Variants in PTCHD4 observed in about 807,000 individuals in gnomAD.
PTCHD4 encodes patched domain-containing protein 4.
Under a neutral mutation model 58.1 loss-of-function variants are expected in PTCHD4, and 33 were observed. That is an observed-to-expected ratio of 0.57 (90% CI 0.43 to 0.76). PTCHD4 has a LOEUF of 0.76. PTCHD4 is among the 30% of genes least tolerant of loss of function. PTCHD4 has a pLI of 0.00. For missense variants in PTCHD4, 1,058 were observed against 1,027.1 expected (o/e 1.03, Z -0.41); for synonymous variants, 478 against 409.6 (o/e 1.17, Z -2.02).
chr6:47,961,693 T>C (rs1767099714), intron 4 of PTCHD4, among the ~76,000 whole-genome samples: 1 of 151,906 alleles, frequency 6.6e-6, no homozygotes, highest in Non-Finnish European at 1.5e-5. Flanking sequence ...CAAAGAAACA[T>C]TTTTTTTAAA....
chr6:47,898,796 G>C (rs942294860), intron 4 of PTCHD4, among the ~76,000 whole-genome samples: 1 of 152,174 alleles, frequency 6.6e-6, no homozygotes, highest in African/African-American at 2.4e-5. Flanking sequence ...AAATGAAAAG[G>C]TGTAAGAACA....
At chr6:48,102,362 G>T (rs1054334507) in intron 1 of PTCHD4, among the ~76,000 whole-genome samples, 1 of 152,136 alleles carries the variant, frequency 6.6e-6, no homozygotes, top group Non-Finnish European at 1.5e-5. Flanking sequence ...TCTTTATAGG[G>T]TTATCTTACC....
chr6:47,953,953 A>G (rs779243007), intron 4 of PTCHD4, among the ~76,000 whole-genome samples: 1 of 152,178 alleles, frequency 6.6e-6, no homozygotes, highest in African/African-American at 2.4e-5. Context: ...AAGGGGCAGT[A>G]TATTTTTTTA....
At chr6:48,036,294 A>T (rs1763634393) in intron 3 of PTCHD4, among the ~76,000 whole-genome samples, 1 of 152,180 alleles carries the variant, frequency 6.6e-6, no homozygotes, top group South Asian at 2.1e-4. Context: ...CCAGGACAAA[A>T]GGTCAAAGTG....
chr6:48,108,704 A>C (rs1260448367), intron 1 of PTCHD4, among the ~76,000 whole-genome samples: 1 of 152,080 alleles, frequency 6.6e-6, no homozygotes, highest in Admixed American at 6.5e-5. Context: ...TCTGCAATGA[A>C]AAGTATCAAT....
chr6:48,087,715 T>A (rs1765289312), intron 1 of PTCHD4, among the ~76,000 whole-genome samples: 1 of 152,228 alleles, frequency 6.6e-6, no homozygotes, highest in African/African-American at 2.4e-5. Flanking sequence ...GCATATTTAT[T>A]TTAAATAGGA....
intron 4 of PTCHD4, among the ~76,000 whole-genome samples, chr6:47,948,535 A>G (rs1766505285): frequency 6.6e-6 from 1 of 152,192 alleles, no homozygotes; most frequent in Admixed American, 6.5e-5. Flanking sequence ...TTTTGCTACT[A>G]TATCTGATTT....
intron 1 of PTCHD4, among the ~76,000 whole-genome samples, chr6:48,110,423 A>G (rs993809254): frequency 1.3e-5 from 2 of 152,158 alleles, no homozygotes; most frequent in Admixed American, 6.6e-5. Context: ...TTTAAAAAAT[A>G]GAATACATAA....
At position 47,868,199 on chromosome 6, in the gene PTCHD4, TA is replaced by T. The variant is rs1162708730; in HGVS notation, c.*10103del. On this transcript the variant is annotated 3_prime_UTR_variant, in exon 5 of 5. Transcript: ENST00000339488. ...TTTTTTCTCACTTTACCTTTTTTTT[TA>T]AAAAAACACCCTTGTCCTTAATTTT... Among the ~76,000 whole-genome samples the T allele has an allele frequency of 7.3e-5, 11 of 151,658 alleles. No homozygotes were observed. In the East Asian group the frequency reaches 2.1e-3, roughly 30 times the overall value.
At position 47,921,042 on chromosome 6, in the gene PTCHD4, AAAAC is replaced by A. The variant is rs200837043; in HGVS notation, c.899-41110_899-41107del. On this transcript the variant is annotated intron_variant, in intron 4 of 4. Coordinates refer to ENST00000339488, the MANE Select transcript of PTCHD4 (RefSeq NM_001384253.1). ...ACAGCTAAACAAAGAGACATCGATT[AAAAC>A]AAACAAACAAACAAACAAAAAGCAA... Among the ~76,000 whole-genome samples the A allele has an allele frequency of 1.2e-4, 18 of 152,300 alleles. No homozygotes were observed. The South Asian group carries it at 1.2e-3, about 11-fold the overall frequency.
In PTCHD4 at chr6:47,878,906, G is replaced by T. The variant is rs1434665643; in HGVS notation, c.1929C>A (p.Ser643=). The change falls in exon 5 of 5, where the codon TCC becomes TCA. Residue 643 remains serine, a synonymous_variant. Transcript: ENST00000339488. The stretch of plus-strand genomic sequence containing the variant: ...AGCTGTAATGGTCCATGAAGACAAA[G>T]GAGGGGTTGAACACGATGAATCGGA... ...KSIRFIVFNP[S]FVFMDHYSLS... is the part of the protein sequence containing the mutation. 5 of 1,613,534 alleles carry T rather than the reference G, an allele frequency of 3.1e-6. 1 individual carries two copies. The South Asian group carries it at 5.5e-5, about 18-fold the overall frequency.
intron 1 of PTCHD4, among the ~76,000 whole-genome samples, chr6:48,081,124 C>T (rs1010281571): frequency 6.6e-5 from 10 of 152,066 alleles, no homozygotes; most frequent in African/African-American, 2.4e-4. Flanking sequence ...TGTACAAAAC[C>T]CTCCTATGTA....
rs573567049 is a variant in PTCHD4 at position 47,868,052 on chromosome 6, C to G, written c.*10251G>C. 4.6e-5 allele frequency among the ~76,000 whole-genome samples: 7 copies of G among 151,720 alleles called. No individual in the cohort carries two copies. The highest frequency in any genetic ancestry group is 3.4e-3 in the Middle Eastern group (1 of 294). On this transcript the variant is annotated 3_prime_UTR_variant, in exon 5 of 5. Coordinates refer to ENST00000339488, the MANE Select transcript of PTCHD4 (RefSeq NM_001384253.1). ...TAGATATGTCAGGGTTTTTCTGAAACTTTCCAATGTGTTCCTTTGTTTTTA... is the reference window on the plus strand; with the variant it reads ...TAGATATGTCAGGGTTTTTCTGAAAGTTTCCAATGTGTTCCTTTGTTTTTA...
rs1004280142 is a variant in PTCHD4 at position 47,991,458 on chromosome 6, C to G, written c.898+17176G>C. 2.6e-5 allele frequency among the ~76,000 whole-genome samples: 4 copies of G among 152,126 alleles called. No homozygotes were observed. The East Asian group carries it at 7.7e-4, about 29-fold the overall frequency. On this transcript the variant is annotated intron_variant, in intron 4 of 4. Transcript: ENST00000339488. ...AGAGGTTTGCACCAGCAGGACATTT[C>G]TAGAGAACTAAATAATGTTCTTTAG...
At chr6:47,933,540 G>A (rs1371125077) in intron 4 of PTCHD4, among the ~76,000 whole-genome samples, 2 of 152,156 alleles carry the variant, frequency 1.3e-5, no homozygotes, top group Non-Finnish European at 2.9e-5. Flanking sequence ...AACATTTTAA[G>A]TGCTGCAAAT....
chr6:48,013,464 T>C (rs1290133463), intron 3 of PTCHD4, among the ~76,000 whole-genome samples: 2 of 151,626 alleles, frequency 1.3e-5, no homozygotes, highest in Non-Finnish European at 2.9e-5. Flanking sequence ...AATGGAAATT[T>C]TGGCTGTGGT....
intron 1 of PTCHD4, among the ~76,000 whole-genome samples, chr6:48,094,776 G>C (rs2113905735): frequency 6.6e-6 from 1 of 152,282 alleles, no homozygotes; most frequent in East Asian, 1.9e-4. Flanking sequence ...GATAAATATG[G>C]TTTCTCTTCC....
At chr6:47,978,685 C>A (rs1254855916) in intron 4 of PTCHD4, among the ~76,000 whole-genome samples, 1 of 152,112 alleles carries the variant, frequency 6.6e-6, no homozygotes, top group African/African-American at 2.4e-5. Context: ...TGAGACAGAT[C>A]TTACTATCCC....
chr6:47,891,755 G>A (rs533954590), intron 4 of PTCHD4, among the ~76,000 whole-genome samples: 4 of 152,044 alleles, frequency 2.6e-5, no homozygotes, highest in Non-Finnish European at 2.9e-5. Flanking sequence ...CCCCGATGGC[G>A]TGGGTTTTTC....
Sources: gnomAD v4.1 joint callset for allele counts (sites outside exome capture counted in the v4.1 genomes callset) on GRCh38, gnomAD v4.1.1 for gene constraint, MANE v1.5 for transcripts, NCBI Gene and HGNC (gene_info 2026-07-23, HGNC 2026-07-21) for gene names.